The following KCNN1 variants were observed in gnomAD, a reference collection of about 807,000 sequenced individuals.
KCNN1 encodes the protein potassium calcium-activated channel subfamily N member 1.
Under a neutral mutation model 44.7 loss-of-function variants are expected in KCNN1, and 20 were observed. That is an observed-to-expected ratio of 0.45 (90% CI 0.32 to 0.65). The LOEUF (loss-of-function observed/expected upper bound fraction) is 0.65. KCNN1 is among the 30% of genes least tolerant of loss of function. The pLI, the probability that KCNN1 is intolerant of heterozygous loss-of-function variation, is 0.05. For synonymous variants in KCNN1, 324 were observed against 341.7 expected (o/e 0.95, Z 0.57); for missense variants, 632 against 785.3 (o/e 0.80, Z 2.33).
In KCNN1 at chr19:17,993,381, G is replaced by A. The variant is rs1426928991; in HGVS notation, c.1308-109G>A. On this transcript the variant is annotated intron_variant, in intron 8 of 9. Coordinates refer to ENST00000684775, the MANE Select transcript of KCNN1 (RefSeq NM_001386974.1). This position sits in a 1 kb window ranked among gnomAD's most constrained non-coding sequence, Gnocchi z 4.5. ...CCTCCCAACTCCCACCTCATCCTCT[G>A]ATGCATGTCCCATAGGTGACCCCGG... The A allele has an allele frequency of 1.3e-6, 1 of 793,468 alleles. No individual in the cohort carries two copies. Among genetic ancestry groups the A allele is most frequent in the African/African-American group, 1.7e-5 (1 of 58,914 alleles). The allele number at this position is 793,468 out of a possible 1,614,324, so 49.2% of individuals were successfully genotyped here.
chr19:17,952,043 G>T (rs1012687965), intron 1 of KCNN1: 13 of 152,588 alleles, frequency 8.5e-5, no homozygotes, highest in African/African-American at 3.1e-4. Context: ...CTGGGTGGAG[G>T]GGGGAGAGTG....
At position 17,981,747 on chromosome 19, in the gene KCNN1, C is replaced by T. The variant is rs369365036; in HGVS notation, c.537C>T (p.Ile179=). 33 of 1,600,792 alleles carry T rather than the reference C, an allele frequency of 2.1e-5. No homozygotes were observed. Among genetic ancestry groups the T allele is most frequent in the East Asian group, 9.0e-5 (4 of 44,524 alleles). Residue 179 remains isoleucine, a synonymous_variant, in exon 4 of 10, where the codon ATC becomes ATT. Transcript: ENST00000684775. The part of the protein sequence containing the change: ...MVDNGADDWR[I]AMTCERVFLI... ...ACAACGGGGCTGATGACTGGCGCAT[C>T]GCCATGACCTGCGAGCGCGTGTTCC...
chr19:17,971,032 C>T (rs2032004504), intron 1 of KCNN1, among the ~76,000 whole-genome samples: 2 of 151,910 alleles, frequency 1.3e-5, no homozygotes, highest in African/African-American at 4.8e-5. Context: ...TACAGGTGCC[C>T]ACCACCACAC....
chr19:17,977,003 C>T (rs2032229982), intron 3 of KCNN1, among the ~76,000 whole-genome samples: 1 of 152,122 alleles, frequency 6.6e-6, no homozygotes, highest in Non-Finnish European at 1.5e-5. Flanking sequence ...AAGCGTGAGC[C>T]ACCATGCCTG....
chr19:17,996,601 C>T (rs1036343969), intron 9 of KCNN1, among the ~76,000 whole-genome samples: 2 of 152,078 alleles, frequency 1.3e-5, no homozygotes, highest in African/African-American at 2.4e-5. Context: ...AGCGAGACTT[C>T]GTCTCAAAAA....
At position 17,999,891 on chromosome 19, in the gene KCNN1, G is replaced by A. The variant is rs1453745433; in HGVS notation, c.*1485G>A. 6.7e-6 allele frequency: 3 copies of A among 450,692 alleles called. No individual in the cohort carries two copies. In the East Asian group the frequency reaches 2.1e-4, roughly 31 times the overall value. The allele number at this position is 450,692 out of a possible 1,614,324, so 27.9% of individuals were successfully genotyped here. A position where few individuals can be genotyped will look rare whatever the true frequency, so the allele number is the denominator to read the frequency against. The stretch of plus-strand genomic sequence containing the variant: ...ACGCACGAGAAGGGTATGAGGAGGT[G>A]CTGGTCAGACCCGGGTTCGAGTCCT... On this transcript the variant is annotated 3_prime_UTR_variant, in exon 10 of 10. Transcript: ENST00000684775.
intron 5 of KCNN1, among the ~76,000 whole-genome samples, chr19:17,986,918 T>G (rs888297382): frequency 6.6e-6 from 1 of 152,144 alleles, no homozygotes; most frequent in Admixed American, 6.6e-5. Context: ...GCCATTCTCC[T>G]GCCTCAGCTT....
At chr19:17,975,476 A>G (rs1462157907) in intron 3 of KCNN1, among the ~76,000 whole-genome samples, 1 of 152,192 alleles carries the variant, frequency 6.6e-6, no homozygotes, top group Non-Finnish European at 1.5e-5. Context: ...GCTGGAGTGC[A>G]GTGGTGCGAT....
At position 17,993,049 on chromosome 19, in the gene KCNN1, G is replaced by A. The variant is rs929682076; in HGVS notation, c.1299-5G>A. Reference sequence around the variant, plus strand: ...TTTTTCTCCTGCTCTGCCCGGTCCTGCCAGGGCTCAGAAGTAAGTGTTCTC... The same window carrying A: ...TTTTTCTCCTGCTCTGCCCGGTCCTACCAGGGCTCAGAAGTAAGTGTTCTC... On this transcript the variant is annotated splice_region_variant and splice_polypyrimidine_tract_variant and intron_variant, in intron 7 of 9. Transcript: ENST00000684775. This position sits in a 1 kb window ranked among gnomAD's most constrained non-coding sequence, Gnocchi z 4.5. 6.2e-7 allele frequency: 1 copy of A among 1,613,598 alleles called. No homozygotes were observed. Among genetic ancestry groups the A allele is most frequent in the Non-Finnish European group, 8.5e-7 (1 of 1,179,778 alleles).
intron 2 of KCNN1, among the ~76,000 whole-genome samples, chr19:17,957,422 G>GATGT (rs1280715887): frequency 6.6e-6 from 1 of 152,082 alleles, no homozygotes; most frequent in Non-Finnish European, 1.5e-5. Flanking sequence ...AGAATATGAG[G>GATGT]ATGTATTAGT....
intron 3 of KCNN1, 79 bp from the exon 4 acceptor site, chr19:17,981,630 T>A: frequency 1.5e-6 from 2 of 1,323,630 alleles, no homozygotes; most frequent in Non-Finnish European, 2.1e-6. Context: ...GACGTCACTC[T>A]CTGGGGGCGC....
intron 6 of KCNN1, 36 bp from the exon 7 acceptor site, chr19:17,989,680 G>A (rs188097936): frequency 1.9e-4 from 309 of 1,612,962 alleles, no homozygotes; most frequent in Admixed American, 1.2e-3. Flanking sequence ...GGAATTTCGC[G>A]CCAACCCTGA....
chr19:17,976,016 T>A (rs1368961106), intron 3 of KCNN1, among the ~76,000 whole-genome samples: 1 of 152,158 alleles, frequency 6.6e-6, no homozygotes, highest in East Asian at 1.9e-4. Context: ...TGCACACGCA[T>A]GTTGATAACA....
chr19:17,980,541 C>T (rs945746927), intron 3 of KCNN1, among the ~76,000 whole-genome samples: 2 of 152,000 alleles, frequency 1.3e-5, no homozygotes, highest in Admixed American at 6.6e-5. Context: ...ACTCATATTT[C>T]GTTCGAACTG....
At chr19:17,966,726 C>T (rs1340382859), upstream of KCNN1, among the ~76,000 whole-genome samples, 6 of 152,152 alleles carry the variant, frequency 3.9e-5, no homozygotes, top group African/African-American at 1.2e-4. Context: ...CGGAGGAGGT[C>T]GTTTGAGGGG....
intron 3 of KCNN1, among the ~76,000 whole-genome samples, chr19:17,980,362 A>C (rs2032363797): frequency 6.7e-6 from 1 of 149,640 alleles, no homozygotes; most frequent in African/African-American, 2.5e-5. Context: ...GATTACAGGC[A>C]GGAGCCACTG....
upstream of KCNN1, among the ~76,000 whole-genome samples, chr19:17,966,966 G>A (rs1240254320): frequency 6.6e-6 from 1 of 151,796 alleles, no homozygotes; most frequent in Admixed American, 6.6e-5. Flanking sequence ...GCATGCCGGG[G>A]GGTTGCAGGG....
In KCNN1 at chr19:17,984,619, C is replaced by T. The variant is rs1290212254; in HGVS notation, c.918-693C>T. The stretch of plus-strand genomic sequence containing the variant: ...CAGACCCAGAGAGCCAAGCCCTCGG[C>T]CCGCTAGCATGGCCACAGGCAGAAC... On this transcript the variant is annotated intron_variant, in intron 4 of 9. Coordinates refer to ENST00000684775, the MANE Select transcript of KCNN1 (RefSeq NM_001386974.1). Among the ~76,000 whole-genome samples, 5 of 152,178 alleles carry T rather than the reference C, an allele frequency of 3.3e-5. No individual in the cohort carries two copies. The East Asian group carries it at 9.6e-4, about 29-fold the overall frequency.
intron 9 of KCNN1, among the ~76,000 whole-genome samples, chr19:17,994,340 G>C (rs1414570657): frequency 6.6e-6 from 1 of 151,712 alleles, no homozygotes; most frequent in East Asian, 1.9e-4. Flanking sequence ...CCAGCTATTA[G>C]GGAGGCTGAG....
Sources: gnomAD v4.1 joint callset for allele counts (sites outside exome capture counted in the v4.1 genomes callset) on GRCh38, gnomAD v4.1.1 for gene constraint, Gnocchi (gnomAD v3.1) non-coding constraint, MANE v1.5 for transcripts, NCBI Gene and HGNC (gene_info 2026-07-23, HGNC 2026-07-21) for gene names.